Variants in ZFP30 observed in about 807,000 individuals in gnomAD.
ZFP30 encodes the protein zinc finger protein 30 homolog.
A neutral mutation model predicts 12.3 loss-of-function variants in ZFP30; 16 were observed. That is an observed-to-expected ratio of 1.30 (90% CI 0.88 to 1.98). ZFP30 has a LOEUF of 1.98. Ranked by LOEUF, ZFP30 falls within the 30% of genes most tolerant of loss-of-function variation. The pLI is 0.00. For synonymous variants in ZFP30, 172 were observed against 201.0 expected, an observed-to-expected ratio of 0.86 and a Z score of 1.22; for missense variants, 560 against 611.2, an observed-to-expected ratio of 0.92 and a Z score of 0.88.
Position 37,636,313 on chromosome 19 carries a change from A to G in ZFP30, c.236-8T>C. The stretch of plus-strand genomic sequence containing the variant: ...CATATCTGGATTCCAAATCTGAAAG[A>G]AAACAAGACCAAAACATATTTTCCT... On this transcript the variant is annotated splice_region_variant and splice_polypyrimidine_tract_variant and intron_variant, in intron 5 of 5. Transcript: ENST00000684514. The G allele has an allele frequency of 6.4e-7, 1 of 1,562,538 alleles. No individual in the cohort carries two copies. Among genetic ancestry groups the G allele is most frequent in the East Asian group, 2.3e-5 (1 of 44,358 alleles).
chr19:37,643,454 G>A, intron 4 of ZFP30, 91 bp from the exon 5 acceptor site: 1 of 915,000 alleles, frequency 1.1e-6, no homozygotes, highest in Non-Finnish European at 1.5e-6. Flanking sequence ...TCATAGCATA[G>A]AGTTACTTCA....
In ZFP30 at chr19:37,636,297, A is replaced by T. The variant is rs1309788261; in HGVS notation, c.244T>A (p.Ser82Thr). ...AATAACTTTTTAGTGTCATATCTGG[A>T]TTCCAAATCTGAAAGAAAACAAGAC... Reference protein sequence around the residue: ...EKRRWTLDLESRYDTKKLFQG... With the variant: ...EKRRWTLDLETRYDTKKLFQG... Residue 82 changes from serine (S) to threonine (T), a missense_variant, in exon 6 of 6, where the codon TCC (serine) becomes ACC (threonine). By Grantham distance (58) the Ser-to-Thr change is moderately conservative. Coordinates refer to ENST00000684514, the MANE Select transcript of ZFP30 (RefSeq NM_001320669.3). 2 of 1,573,064 alleles carry T rather than the reference A, an allele frequency of 1.3e-6. No homozygotes were observed. The highest frequency in any genetic ancestry group is 2.4e-5 in the South Asian group (2 of 84,378).
intron 4 of ZFP30, 33 bp from the exon 5 acceptor site, chr19:37,643,396 T>C (rs754534743): frequency 1.4e-6 from 2 of 1,427,792 alleles, no homozygotes; most frequent in South Asian, 1.5e-5. Flanking sequence ...TAATAAAGAA[T>C]TTATTTAAGG....
chr19:37,649,740 C>T (rs538494836), intron 2 of ZFP30, among the ~76,000 whole-genome samples: 91 of 151,772 alleles, frequency 6.0e-4, no homozygotes, highest in Non-Finnish European at 1.2e-3. Flanking sequence ...GGGAGGATCG[C>T]CTGAGCCCAG....
At chr19:37,637,323 G>A (rs2044349811) in intron 5 of ZFP30, among the ~76,000 whole-genome samples, 1 of 150,670 alleles carries the variant, frequency 6.6e-6, no homozygotes, top group African/African-American at 2.4e-5. Flanking sequence ...TCCTGCCTGA[G>A]CCTCCCAAGT....
chr19:37,635,112 G>A lies in ZFP30; in HGVS notation c.1429C>T (p.Leu477Phe). The A allele has an allele frequency of 6.2e-7, 1 of 1,613,706 alleles. No homozygotes were observed. Among genetic ancestry groups the A allele is most frequent in the South Asian group, 1.1e-5 (1 of 90,972 alleles). ...TGATGTTGAATCAGTGATGAATGAA[G>A]TCTAAAGGCCTTTCCACATTCCTTA... ...DCKECGKAFR[L>F]HSSLIQHQRI... The change falls in exon 6 of 6, where the codon CTT becomes TTT. Residue 477 changes from leucine (L) to phenylalanine (F), a missense_variant. Physicochemically the swap from Leu to Phe is conservative, Grantham distance 22. Coordinates refer to ENST00000684514, the MANE Select transcript of ZFP30 (RefSeq NM_001320669.3).
In ZFP30 at chr19:37,654,702, A is replaced by G. The variant is rs1379817161; in HGVS notation, c.-78+10T>C. 1.3e-5 allele frequency: 2 copies of G among 152,290 alleles called. No individual in the cohort carries two copies. The highest frequency in any genetic ancestry group is 2.9e-5 in the Non-Finnish European group (2 of 68,096). The allele number at this position is 152,290 out of a possible 1,614,324, so 9.4% of individuals were successfully genotyped here. A position where few individuals can be genotyped will look rare whatever the true frequency, so the allele number is the denominator to read the frequency against. ...CATTTCACAGAAACAAAGCAGCAGC[A>G]CGAACTCACAGGGAACCGGCTTTTA... is the stretch of plus-strand genomic sequence containing the variant. On this transcript the variant is annotated intron_variant, in intron 2 of 5. Transcript: ENST00000684514.
At position 37,635,434 on chromosome 19, in the gene ZFP30, T is replaced by C. The variant is rs374037628; in HGVS notation, c.1107A>G (p.Leu369=). ...CGKTFSRGYH[L]TLHQRIHTGE... ...CAGTATGTATTCTCTGATGGAGAGT[T>C]AGATGATAGCCACGACTGAAAGTCT... Residue 369 remains leucine (L), a synonymous_variant, in exon 6 of 6, where the codon CTA becomes CTG. Transcript: ENST00000684514. 28 of 1,613,970 alleles carry C rather than the reference T, an allele frequency of 1.7e-5. No homozygotes were observed. The African/African-American group carries it at 3.6e-4, about 21-fold the overall frequency.
At chr19:37,639,934 C>T (rs781454688) in intron 5 of ZFP30, among the ~76,000 whole-genome samples, 15 of 152,180 alleles carry the variant, frequency 9.9e-5, no homozygotes, top group Non-Finnish European at 1.8e-4. Context: ...ATAATATACA[C>T]AGCTGAGCTG....
At chr19:37,648,981 T>C (rs1599630876) in intron 2 of ZFP30, among the ~76,000 whole-genome samples, 1 of 152,182 alleles carries the variant, frequency 6.6e-6, no homozygotes, top group African/African-American at 2.4e-5. Context: ...CTCATGCCTG[T>C]AGTCCCAGCA....
At chr19:37,645,188 G>C (rs539259159) in intron 3 of ZFP30, among the ~76,000 whole-genome samples, 3 of 151,052 alleles carry the variant, frequency 2.0e-5, no homozygotes, top group East Asian at 1.9e-4. Context: ...CTGGGTGACA[G>C]AGCGACAGAG....
Position 37,644,752 on chromosome 19 carries a change from C to T in ZFP30, c.10-16G>A, listed in dbSNP as rs2044507347. 1 of 1,599,610 alleles carries T rather than the reference C, an allele frequency of 6.3e-7. No individual in the cohort carries two copies. The highest frequency in any genetic ancestry group is 1.4e-5 in the African/African-American group (1 of 73,810). On this transcript the variant is annotated splice_polypyrimidine_tract_variant and intron_variant, in intron 3 of 5. Coordinates refer to ENST00000684514, the MANE Select transcript of ZFP30 (RefSeq NM_001320669.3). Reference sequence around the variant, plus strand: ...TCACCAAATCCTGAAATGATAAACGCATGTATTATTTGTAAGATAAATGAA... The same window carrying T: ...TCACCAAATCCTGAAATGATAAACGTATGTATTATTTGTAAGATAAATGAA...
At chr19:37,655,392 G>A (rs2044735747) in intron 1 of ZFP30, 28 bp downstream of exon 1, 1 of 152,658 alleles carries the variant, frequency 6.6e-6, no homozygotes, top group Non-Finnish European at 1.5e-5. Context: ...CGGCCACAGT[G>A]GCGCCCGGCT....
At chr19:37,643,908 C>A (rs555198398) in intron 4 of ZFP30, among the ~76,000 whole-genome samples, 119 of 152,266 alleles carry the variant, frequency 7.8e-4, no homozygotes, top group Non-Finnish European at 1.3e-3. Context: ...TGAATACTGT[C>A]CACTTGAGTT....
At position 37,647,943 on chromosome 19, in the gene ZFP30, GAGTTTCCAA is replaced by G. The variant is rs2044574964; in HGVS notation, c.-77-53_-77-45del. 4 of 1,201,892 alleles carry G rather than the reference GAGTTTCCAA, an allele frequency of 3.3e-6. No homozygotes were observed. The South Asian group carries it at 5.4e-5, about 16-fold the overall frequency. The allele number at this position is 1,201,892 out of a possible 1,614,324, so 74.5% of individuals were successfully genotyped here. A position where few individuals can be genotyped will look rare whatever the true frequency, so the allele number is the denominator to read the frequency against. ...AAATCATGAGAAGAGAACTGCCTCA[GAGTTTCCAA>G]ATTTTAAAAACTGGTACTACTTCTC... On this transcript the variant is annotated intron_variant, in intron 2 of 5. Transcript: ENST00000684514.
rs2147271765 is a variant in ZFP30 at position 37,643,326 on chromosome 19, T to C, written c.174A>G (p.Leu58=). The C allele has an allele frequency of 6.2e-6, 10 of 1,609,232 alleles. No individual in the cohort carries two copies. The highest frequency in any genetic ancestry group is 4.5e-5 in the East Asian group (2 of 44,490). The change falls in exon 5 of 6, where the codon CTA becomes CTG. Residue 58 remains leucine, a synonymous_variant. Transcript: ENST00000684514. ...CSISKPDVIT[L]LEQGKEPWMV... is the part of the protein sequence containing the mutation. ...TCCAGGGCTCTTTCCCTTGTTCCAA[T>C]AGGGTGATCACATCTGGCTTAGAAA...
At position 37,632,270 on chromosome 19, in the gene ZFP30, C is replaced by G. The variant is rs1444019051; in HGVS notation, c.*2711G>C. 6.6e-6 allele frequency: 1 copy of G among 151,926 alleles called. No homozygotes were observed. Among genetic ancestry groups the G allele is most frequent in the African/African-American group, 2.4e-5 (1 of 41,362 alleles). The allele number at this position is 151,926 out of a possible 1,614,324, so 9.4% of individuals were successfully genotyped here. A position where few individuals can be genotyped will look rare whatever the true frequency, so the allele number is the denominator to read the frequency against. On this transcript the variant is annotated 3_prime_UTR_variant, in exon 6 of 6. Coordinates refer to ENST00000684514, the MANE Select transcript of ZFP30 (RefSeq NM_001320669.3). ...TCTGGATTTTCAATATTTTAAAATA[C>G]ATGTATAGTGTGTGTATAAATATAA... is the stretch of plus-strand genomic sequence containing the variant.
chr19:37,640,167 C>T (rs571570747), intron 5 of ZFP30, among the ~76,000 whole-genome samples: 17 of 152,234 alleles, frequency 1.1e-4, no homozygotes, highest in Admixed American at 1.0e-3. Flanking sequence ...ATTCTGCCCT[C>T]AGATTGCTTC....
chr19:37,637,276 C>A (rs1464066090), intron 5 of ZFP30, among the ~76,000 whole-genome samples: 3 of 148,046 alleles, frequency 2.0e-5, no homozygotes, highest in East Asian at 2.0e-4. Context: ...GCAATCTCGG[C>A]TTACTGCAAC....
Sources: gnomAD v4.1 joint callset for allele counts (sites outside exome capture counted in the v4.1 genomes callset) on GRCh38, gnomAD v4.1.1 for gene constraint, MANE v1.5 for transcripts, NCBI Gene and HGNC (gene_info 2026-07-23, HGNC 2026-07-21) for gene names.